Variants in KIF1B observed in about 807,000 individuals in gnomAD.
KIF1B encodes kinesin family member 1B.
A neutral mutation model predicts 241.9 loss-of-function variants in KIF1B; 76 were observed. That is an observed-to-expected ratio of 0.31 (90% CI 0.26 to 0.38). The LOEUF (loss-of-function observed/expected upper bound fraction) is 0.38. Ranked by LOEUF, KIF1B falls within the 10% of genes least tolerant of loss-of-function variation. The pLI is 1.00. For synonymous variants in KIF1B, 750 were observed against 796.7 expected, an observed-to-expected ratio of 0.94 and a Z score of 0.99; for missense variants, 1,622 against 2,271.4, an observed-to-expected ratio of 0.71 and a Z score of 5.81.
At chr1:10,223,891 T>G (rs1474320263) in intron 1 of KIF1B, among the ~76,000 whole-genome samples, 1 of 152,128 alleles carries the variant, frequency 6.6e-6, no homozygotes, top group East Asian at 1.9e-4. Flanking sequence ...TATTTAGGTT[T>G]AGGTTGTTTT....
At chr1:10,279,989 C>G (rs1173722069) in intron 14 of KIF1B, among the ~76,000 whole-genome samples, 1 of 152,094 alleles carries the variant, frequency 6.6e-6, no homozygotes, top group Non-Finnish European at 1.5e-5. Flanking sequence ...AGATGTCAGC[C>G]ACCACACCCA....
Position 10,336,669 on chromosome 1 carries a change from C to G in KIF1B, c.3056C>G (p.Ala1019Gly). 6.2e-7 allele frequency: 1 copy of G among 1,613,836 alleles called. No individual in the cohort carries two copies. Among genetic ancestry groups the G allele is most frequent in the Non-Finnish European group, 8.5e-7 (1 of 1,179,784 alleles). ...AVQAIAADEEAPDYGSGIRQS... is the reference protein window; with the variant it reads ...AVQAIAADEEGPDYGSGIRQS... ...TTTTCTGCTTTAGCGGATGAAGAAG[C>G]TCCTGATTATGGCTCTGGAATTCGA... The change falls in exon 29 of 49, where the codon GCT becomes GGT. Residue 1019 changes from alanine to glycine, a missense_variant. This residue lies in a region of KIF1B where 803 missense variants were observed against 1,112.0 expected (regional missense o/e 0.72). Coordinates refer to ENST00000676179, the MANE Select transcript of KIF1B (RefSeq NM_001365951.3).
intron 22 of KIF1B, among the ~76,000 whole-genome samples, chr1:10,302,543 C>T (rs1650593809): frequency 6.6e-6 from 1 of 152,140 alleles, no homozygotes; most frequent in African/African-American, 2.4e-5. Context: ...TCTACATTCT[C>T]ATCTTCTAAC....
intron 5 of KIF1B, among the ~76,000 whole-genome samples, chr1:10,264,405 A>G (rs1361036817): frequency 1.3e-5 from 2 of 152,214 alleles, no homozygotes; most frequent in Non-Finnish European, 2.9e-5. Flanking sequence ...ATGGATTCAC[A>G]TATCAGAGCA....
chr1:10,223,656 C>T (rs1002803833), intron 1 of KIF1B, among the ~76,000 whole-genome samples: 5 of 149,908 alleles, frequency 3.3e-5, no homozygotes, highest in Non-Finnish European at 7.4e-5. Context: ...AAGCAATTAT[C>T]CTGCCTCAGC....
intron 27 of KIF1B, among the ~76,000 whole-genome samples, chr1:10,329,003 A>T (rs953848238): frequency 2.0e-5 from 3 of 152,246 alleles, no homozygotes; most frequent in African/African-American, 7.2e-5. Flanking sequence ...AATCCCACTT[A>T]ATGTGGAAAT....
At chr1:10,244,902 G>A (rs1340682479) in intron 2 of KIF1B, among the ~76,000 whole-genome samples, 2 of 152,154 alleles carry the variant, frequency 1.3e-5, no homozygotes, top group African/African-American at 4.8e-5. Flanking sequence ...ATGAGCCACC[G>A]CGCCCGGCCG....
In KIF1B at chr1:10,337,397, G is replaced by C; in HGVS notation, c.3286G>C (p.Gly1096Arg). ...TTTGAAGTCAAGCACTTTGCTGGAT[G>C]GTAAGATGGTAATGGAAGGGTTTTC... ...LDLKSSTLLD[G>R]KMVMEGFSEE... is the part of the protein sequence containing the mutation. The change falls in exon 31 of 49, where the codon GGT becomes CGT. Residue 1096 changes from glycine (G) to arginine (R), a missense_variant. Coordinates refer to ENST00000676179, the MANE Select transcript of KIF1B (RefSeq NM_001365951.3). The surrounding 1 kb of genome is among the most constrained non-coding windows in gnomAD (Gnocchi z 4.0). 2 of 1,614,188 alleles carry C rather than the reference G, an allele frequency of 1.2e-6. No homozygotes were observed. The highest frequency in any genetic ancestry group is 1.7e-6 in the Non-Finnish European group (2 of 1,180,020).
At chr1:10,287,939 T>G (rs934000907) in intron 15 of KIF1B, among the ~76,000 whole-genome samples, 1 of 152,226 alleles carries the variant, frequency 6.6e-6, no homozygotes, top group Admixed American at 6.5e-5. Flanking sequence ...TAATAAGTAC[T>G]AGTCAAGATG....
At chr1:10,300,337 GTT>G (rs1455012271) in intron 22 of KIF1B, among the ~76,000 whole-genome samples, 8 of 151,098 alleles carry the variant, frequency 5.3e-5, no homozygotes, top group Admixed American at 1.3e-4. Context: ...TTTGCATACA[GTT>G]TTTAGTATCA....
At chr1:10,367,752 T>C (rs1638616888) in intron 43 of KIF1B, among the ~76,000 whole-genome samples, 7 of 151,474 alleles carry the variant, frequency 4.6e-5, no homozygotes, top group Admixed American at 4.6e-4. Flanking sequence ...GGAGAGGGGA[T>C]GGAGTCTTAC....
intron 14 of KIF1B, 53 bp downstream of exon 14, chr1:10,279,191 T>A: frequency 8.2e-7 from 1 of 1,212,698 alleles, no homozygotes; most frequent in Non-Finnish European, 1.2e-6. Context: ...CTAATCTGCC[T>A]CTGCTGGATC....
In KIF1B at chr1:10,380,070, A is replaced by G. The variant is rs1638983515; in HGVS notation, c.*3483A>G. On this transcript the variant is annotated 3_prime_UTR_variant, in exon 49 of 49. Transcript: ENST00000676179. ...TGGATTTTTCAGCTCATTTCAGATGAAGGAACTAAGTCATTGTGAACTGTC... is the reference window on the plus strand; with the variant it reads ...TGGATTTTTCAGCTCATTTCAGATGGAGGAACTAAGTCATTGTGAACTGTC... 1 of 228,706 alleles carries G rather than the reference A, an allele frequency of 4.4e-6. No individual in the cohort carries two copies. The highest frequency in any genetic ancestry group is 8.7e-6 in the Non-Finnish European group (1 of 115,108). The allele number at this position is 228,706 out of a possible 1,614,324, so 14.2% of individuals were successfully genotyped here.
chr1:10,307,089 T>C lies in KIF1B; in HGVS notation c.2115+9843T>C, dbSNP rs997035265. 7.7e-6 allele frequency: 8 copies of C among 1,036,684 alleles called. No homozygotes were observed. In the African/African-American group the frequency reaches 1.2e-4, roughly 15 times the overall value. 64.2% of individuals were successfully genotyped at this position (1,036,684 alleles called of 1,614,324 possible). The stretch of plus-strand genomic sequence containing the variant: ...GGTGTCCTCATGTTGCTGAAATATT[T>C]AGATAGCTAAAATATCCCTTAATTT... On this transcript the variant is annotated intron_variant, in intron 22 of 48. Coordinates refer to ENST00000676179, the MANE Select transcript of KIF1B (RefSeq NM_001365951.3).
At chr1:10,278,792 T>C (rs1649252616) in intron 13 of KIF1B, 1 of 304,092 alleles carries the variant, frequency 3.3e-6, no homozygotes. Context: ...GTGAGTAAAA[T>C]GGATTCATAT....
At chr1:10,224,242 G>A (rs1357114561) in intron 1 of KIF1B, among the ~76,000 whole-genome samples, 1 of 152,060 alleles carries the variant, frequency 6.6e-6, no homozygotes, top group African/African-American at 2.4e-5. Flanking sequence ...TCAGCCTCCC[G>A]AGTAGCTGGG....
intron 23 of KIF1B, 58 bp downstream of exon 23, chr1:10,320,194 A>G (rs894881075): frequency 8.3e-7 from 1 of 1,204,778 alleles, no homozygotes; most frequent in Non-Finnish European, 1.2e-6. Context: ...ATATTATCAA[A>G]TTAGTCATTT....
intron 39 of KIF1B, among the ~76,000 whole-genome samples, chr1:10,361,375 A>AC (rs1382169030): frequency 2.0e-5 from 3 of 152,130 alleles, no homozygotes; most frequent in Non-Finnish European, 4.4e-5. Flanking sequence ...AATAGCCCAG[A>AC]CCCAAGACCC....
chr1:10,262,540 C>T (rs1290261354), intron 5 of KIF1B, among the ~76,000 whole-genome samples: 1 of 152,164 alleles, frequency 6.6e-6, no homozygotes, highest in African/African-American at 2.4e-5. Flanking sequence ...ATTTGAATTG[C>T]CAAATGCCTT....
Sources: gnomAD v4.1 joint callset for allele counts (sites outside exome capture counted in the v4.1 genomes callset) on GRCh38, gnomAD v4.1.1 for gene constraint, gnomAD v4.1.1 regional missense constraint, Gnocchi (gnomAD v3.1) non-coding constraint, MANE v1.5 for transcripts, NCBI Gene and HGNC (gene_info 2026-07-23, HGNC 2026-07-21) for gene names.